TRABD2B: variants seen among roughly 807,000 people sequenced by gnomAD.
TRABD2B encodes metalloprotease TIKI2.
A neutral mutation model predicts 40.1 loss-of-function variants in TRABD2B; 14 were observed. That is an observed-to-expected ratio of 0.35 (90% CI 0.23 to 0.55). The LOEUF (loss-of-function observed/expected upper bound fraction) is 0.55. Ranked by LOEUF, TRABD2B falls within the 20% of genes least tolerant of loss-of-function variation. TRABD2B has a pLI of 0.90. For missense variants in TRABD2B, 541 were observed against 648.6 expected (o/e 0.83, Z 1.80); for synonymous variants, 263 against 277.0 (o/e 0.95, Z 0.50).
chr1:47,900,117 T>C (rs1644579763), intron 2 of TRABD2B, among the ~76,000 whole-genome samples: 1 of 152,066 alleles, frequency 6.6e-6, no homozygotes. Context: ...GGAAACCACC[T>C]CAGAGTCGGC....
intron 2 of TRABD2B, chr1:47,820,141 C>A (rs1645086663): frequency 6.6e-6 from 1 of 152,198 alleles, no homozygotes; most frequent in African/African-American, 2.4e-5. Flanking sequence ...AAGGTAAGAC[C>A]CTCCTTCCAT....
At chr1:47,954,152 T>A (rs1050976680) in intron 2 of TRABD2B, among the ~76,000 whole-genome samples, 3 of 151,996 alleles carry the variant, frequency 2.0e-5, no homozygotes, top group Non-Finnish European at 4.4e-5. Flanking sequence ...ACGGTAGAGA[T>A]GGTAAGGAGG....
At chr1:47,843,089 G>A (rs1056700009) in intron 2 of TRABD2B, among the ~76,000 whole-genome samples, 1 of 152,176 alleles carries the variant, frequency 6.6e-6, no homozygotes, top group South Asian at 2.1e-4. Context: ...GGTGGAGGAG[G>A]GAGGTGTGAG....
At chr1:47,866,634 T>C (rs970202257) in intron 2 of TRABD2B, among the ~76,000 whole-genome samples, 31 of 152,142 alleles carry the variant, frequency 2.0e-4, no homozygotes, top group African/African-American at 6.8e-4. Context: ...AGGAGAGTCC[T>C]GGAAAATTCC....
intron 2 of TRABD2B, among the ~76,000 whole-genome samples, chr1:47,850,094 G>C (rs936514055): frequency 1.3e-5 from 2 of 152,254 alleles, no homozygotes; most frequent in Non-Finnish European, 2.9e-5. Flanking sequence ...GCTGGGAGGT[G>C]GCTGGACCAC....
Position 47,765,994 on chromosome 1 carries a change from C to T in TRABD2B, c.1462G>A (p.Ala488Thr), listed in dbSNP as rs936516501. Residue 488 changes from alanine to threonine, a missense_variant, in exon 7 of 7, where the codon GCC (alanine) becomes ACC (threonine). Ala to Thr is a moderately conservative substitution (Grantham distance 58, BLOSUM62 0). Transcript: ENST00000606738. Reference protein sequence around the residue: ...QLQQQDPPGPASSSAPTLGLL... With the variant: ...QLQQQDPPGPTSSSAPTLGLL... ...CCCAGGGTGGGTGCCGAGCTGCTGG[C>T]GGGCCCTGGCGGGTCCTGCTGTTGT... The T allele has an allele frequency of 1.9e-5, 13 of 698,278 alleles. No homozygotes were observed. Among genetic ancestry groups the T allele is most frequent in the Admixed American group, 4.0e-5 (2 of 49,680 alleles). 43.3% of individuals were successfully genotyped at this position (698,278 alleles called of 1,614,324 possible). A position where few individuals can be genotyped will look rare whatever the true frequency, so the allele number is the denominator to read the frequency against.
intron 2 of TRABD2B, among the ~76,000 whole-genome samples, chr1:47,901,605 C>T (rs998602912): frequency 1.3e-5 from 2 of 152,226 alleles, no homozygotes; most frequent in Non-Finnish European, 2.9e-5. Context: ...CTGAACAAGA[C>T]GTAGCCCCTG....
intron 2 of TRABD2B, among the ~76,000 whole-genome samples, chr1:47,806,332 G>A (rs930370762): frequency 6.6e-6 from 1 of 152,166 alleles, no homozygotes; most frequent in Non-Finnish European, 1.5e-5. Flanking sequence ...AAGTACACAG[G>A]CTTTATAATG....
At chr1:47,858,154 G>T (rs1233963547) in intron 2 of TRABD2B, among the ~76,000 whole-genome samples, 7 of 151,782 alleles carry the variant, frequency 4.6e-5, no homozygotes. Context: ...TGCGGTTTCA[G>T]GCATCCTCCG....
At chr1:47,842,776 G>T (rs1645416564) in intron 2 of TRABD2B, among the ~76,000 whole-genome samples, 1 of 152,180 alleles carries the variant, frequency 6.6e-6, no homozygotes, top group South Asian at 2.1e-4. Flanking sequence ...TCTAATGTGT[G>T]GAGATTTCAT....
rs78806212 is a variant in TRABD2B, at chr1:47,821,253, G to A, written c.667-19634C>T. Among the ~76,000 whole-genome samples the A allele has an allele frequency of 5.4e-3, 822 of 152,346 alleles. 12 individuals carry two copies. The highest frequency in any genetic ancestry group is 0.018 in the African/African-American group (760 of 41,588). On this transcript the variant is annotated intron_variant, in intron 2 of 6. Transcript: ENST00000606738. ...TCTGTATAAGGCTCTGTGCTATGGA[G>A]TCTTGAGAGGTGGACAGAGAAACAT...
intron 2 of TRABD2B, among the ~76,000 whole-genome samples, chr1:47,822,182 T>A: frequency 6.8e-6 from 1 of 148,030 alleles, no homozygotes; most frequent in South Asian, 2.2e-4. Context: ...ACACATACAC[T>A]CCTCCAGTGG....
chr1:47,952,381 G>C (rs1361829316), intron 2 of TRABD2B, among the ~76,000 whole-genome samples: 1 of 152,116 alleles, frequency 6.6e-6, no homozygotes, highest in Non-Finnish European at 1.5e-5. Flanking sequence ...CTGATAGCTG[G>C]GCTCCACTAA....
At chr1:47,936,019 G>A (rs1313270823) in intron 2 of TRABD2B, among the ~76,000 whole-genome samples, 1 of 152,220 alleles carries the variant, frequency 6.6e-6, no homozygotes, top group East Asian at 1.9e-4. Flanking sequence ...TTGCAGGGCT[G>A]TTAAGCGTAG....
chr1:47,823,027 G>T (rs1036207666), intron 2 of TRABD2B, among the ~76,000 whole-genome samples: 7 of 152,270 alleles, frequency 4.6e-5, no homozygotes, highest in Admixed American at 3.9e-4. Flanking sequence ...GTGAAGAGTG[G>T]TGATGGGGAC....
At chr1:47,795,241 A>G (rs1442883950) in intron 3 of TRABD2B, among the ~76,000 whole-genome samples, 1 of 152,218 alleles carries the variant, frequency 6.6e-6, no homozygotes, top group Non-Finnish European at 1.5e-5. Context: ...AGTTTTACAG[A>G]TGAAGCAAGC....
chr1:47,863,892 A>G (rs1381863461), intron 2 of TRABD2B, among the ~76,000 whole-genome samples: 1 of 152,240 alleles, frequency 6.6e-6, no homozygotes, highest in Admixed American at 6.5e-5. Context: ...CAGTACATCT[A>G]GCCAATGGAC....
At chr1:47,878,938 G>GT (rs1362168995) in intron 2 of TRABD2B, among the ~76,000 whole-genome samples, 5 of 136,286 alleles carry the variant, frequency 3.7e-5, no homozygotes, top group African/African-American at 1.3e-4. Flanking sequence ...CTCTACAAAA[G>GT]ATTTTTTTTT....
At chr1:47,924,559 C>T (rs540079650) in intron 2 of TRABD2B, among the ~76,000 whole-genome samples, 176 of 152,274 alleles carry the variant, frequency 1.2e-3, no homozygotes, top group African/African-American at 4.0e-3. Context: ...CCCTTTCTGT[C>T]CCCTGTCTAG....
Sources: gnomAD v4.1 joint callset for allele counts (sites outside exome capture counted in the v4.1 genomes callset) on GRCh38, gnomAD v4.1.1 for gene constraint, MANE v1.5 for transcripts, NCBI Gene and HGNC (gene_info 2026-07-23, HGNC 2026-07-21) for gene names.